The following UGT2B4 variants were observed in gnomAD, a reference collection of about 807,000 sequenced individuals.
UGT2B4 encodes UDP-glucuronosyltransferase 2B4.
UGT2B4 carries 49 observed loss-of-function variants against 49.8 expected under a neutral mutation model. The observed-to-expected ratio is 0.98, with a 90% confidence interval of 0.78 to 1.25. The LOEUF is 1.25. Ranked by LOEUF, UGT2B4 falls within the 50% of genes most tolerant of loss-of-function variation. The pLI, the probability that UGT2B4 is intolerant of heterozygous loss-of-function variation, is 0.00. For synonymous variants in UGT2B4, 246 were observed against 217.7 expected, an observed-to-expected ratio of 1.13 and a Z score of -1.14; for missense variants, 729 against 627.7, an observed-to-expected ratio of 1.16 and a Z score of -1.73.
intron 2 of UGT2B4, among the ~76,000 whole-genome samples, chr4:69,491,442 A>G (rs969349298): frequency 3.3e-5 from 5 of 152,102 alleles, no homozygotes; most frequent in African/African-American, 4.8e-5. Flanking sequence ...TGAATATATT[A>G]TAAAACCAAT....
chr4:69,494,590 GA>G (rs1728086815), intron 1 of UGT2B4, among the ~76,000 whole-genome samples: 1 of 152,066 alleles, frequency 6.6e-6, no homozygotes. Flanking sequence ...TGAAGGAATA[GA>G]AACACTGGAA....
At position 69,480,210 on chromosome 4, in the gene UGT2B4, C is replaced by A. The variant is rs1023863317; in HGVS notation, c.*424G>T. 6.2e-6 allele frequency: 1 copy of A among 160,068 alleles called. No individual in the cohort carries two copies. Among genetic ancestry groups the A allele is most frequent in the Non-Finnish European group, 1.4e-5 (1 of 72,596 alleles). The allele number at this position is 160,068 out of a possible 1,614,324, so 9.9% of individuals were successfully genotyped here. Reference sequence around the variant, plus strand: ...GCTTCCTCAACAACAGTTAAAACAACACAATCCTGCATGAAATGGATCCAA... The same window carrying A: ...GCTTCCTCAACAACAGTTAAAACAAAACAATCCTGCATGAAATGGATCCAA... On this transcript the variant is annotated 3_prime_UTR_variant, in exon 6 of 6. Coordinates refer to ENST00000305107, the MANE Select transcript of UGT2B4 (RefSeq NM_021139.3).
At chr4:69,499,027 G>T (rs1319847844), upstream of UGT2B4, among the ~76,000 whole-genome samples, 1 of 152,118 alleles carries the variant, frequency 6.6e-6, no homozygotes, top group Non-Finnish European at 1.5e-5. Context: ...GCTTAGCAAT[G>T]CTTTAGCCGC....
At chr4:69,490,655 GA>G (rs1337983236) in intron 2 of UGT2B4, among the ~76,000 whole-genome samples, 1 of 152,036 alleles carries the variant, frequency 6.6e-6, no homozygotes, top group African/African-American at 2.4e-5. Flanking sequence ...ACAAAACAAA[GA>G]AAAAAGATTC....
chr4:69,515,721 C>G (rs1327150577), intron 1 of UGT2B4, among the ~76,000 whole-genome samples: 1 of 151,956 alleles, frequency 6.6e-6, no homozygotes. Flanking sequence ...AATCCAGGAG[C>G]TCATTTTTTG....
chr4:69,508,693 G>A (rs1378293601), intron 1 of UGT2B4, among the ~76,000 whole-genome samples: 1 of 152,098 alleles, frequency 6.6e-6, no homozygotes, highest in East Asian at 1.9e-4. Context: ...AAAGACACTA[G>A]GGTCTATTTG....
chr4:69,524,414 A>G (rs889773120), intron 1 of UGT2B4, among the ~76,000 whole-genome samples: 1 of 151,918 alleles, frequency 6.6e-6, no homozygotes, highest in African/African-American at 2.4e-5. Context: ...AGAGGGAGAG[A>G]GATGGGAAAA....
At chr4:69,483,810 C>A (rs1243284785) in intron 5 of UGT2B4, among the ~76,000 whole-genome samples, 3 of 151,904 alleles carry the variant, frequency 2.0e-5, no homozygotes, top group African/African-American at 7.3e-5. Context: ...ATTTTACTCA[C>A]TAAAAATAAA....
At chr4:69,506,108 C>A (rs757706487) in intron 1 of UGT2B4, among the ~76,000 whole-genome samples, 7 of 151,900 alleles carry the variant, frequency 4.6e-5, no homozygotes, top group African/African-American at 1.7e-4. Flanking sequence ...ACTAAATGCC[C>A]GCATTGGAAA....
chr4:69,508,093 A>C (rs1236073872), intron 1 of UGT2B4, among the ~76,000 whole-genome samples: 1 of 152,256 alleles, frequency 6.6e-6, no homozygotes, highest in African/African-American at 2.4e-5. Context: ...ATTTGAAAAA[A>C]TAGCTGAGCA....
In UGT2B4 at chr4:69,495,231, C is replaced by A; in HGVS notation, c.631G>T (p.Val211Leu). The change falls in exon 1 of 6, where the codon GTA becomes TTA. Residue 211 changes from valine to leucine, a missense_variant. By Grantham distance (32) the Val-to-Leu change is conservative. Transcript: ENST00000305107. Reference protein sequence around the residue: ...LSDQMTFIERVKNMIYVLYFE... With the variant: ...LSDQMTFIERLKNMIYVLYFE... ...TAAAGCACATAGATCATATTTTTTA[C>A]CCTCTCTATGAAAGTCATTTGGTCA... The A allele has an allele frequency of 1.2e-6, 2 of 1,608,550 alleles. No homozygotes were observed. The highest frequency in any genetic ancestry group is 1.7e-6 in the Non-Finnish European group (2 of 1,178,506).
chr4:69,502,114 T>TTTCTTTCTTTCTTTCTTTCTTACTTTC (rs1258777807), intron 1 of UGT2B4, among the ~76,000 whole-genome samples: 2 of 128,904 alleles, frequency 1.6e-5, no homozygotes, highest in Non-Finnish European at 3.3e-5. Context: ...TCTTTCTTTC[T>TTTCTTTCTTTCTTTCTTTCTTACTTTC]TTCTTTCTTT....
chr4:69,496,058 T>A, upstream of UGT2B4: 1 of 838,314 alleles, frequency 1.2e-6, no homozygotes, highest in Non-Finnish European at 1.6e-6. Context: ...CAAGTGCGTT[T>A]AATGTTCTTT....
chr4:69,502,106 T>TTTCTTTCTTTCTTTCTTTC (rs1728340653), intron 1 of UGT2B4, among the ~76,000 whole-genome samples: 4 of 114,180 alleles, frequency 3.5e-5, no homozygotes, highest in East Asian at 2.5e-4. Flanking sequence ...TCTTTCTTTC[T>TTTCTTTCTTTCTTTCTTTC]TTCTTTCTTT....
At chr4:69,511,869 T>C (rs1728611761) in intron 1 of UGT2B4, among the ~76,000 whole-genome samples, 1 of 152,138 alleles carries the variant, frequency 6.6e-6, no homozygotes, top group Non-Finnish European at 1.5e-5. Flanking sequence ...ATATATTTAT[T>C]CATGACTCAG....
At chr4:69,482,157 C>T (rs1340068460) in intron 5 of UGT2B4, among the ~76,000 whole-genome samples, 2 of 152,126 alleles carry the variant, frequency 1.3e-5, no homozygotes, top group Non-Finnish European at 2.9e-5. Context: ...TTTCTTGCAA[C>T]AACTCAAGGC....
upstream of UGT2B4, among the ~76,000 whole-genome samples, chr4:69,500,641 G>A (rs945955406): frequency 1.4e-5 from 2 of 140,174 alleles, no homozygotes; most frequent in Non-Finnish European, 3.2e-5. Context: ...AAGAAAGAAA[G>A]AAAGAAAGAA....
In UGT2B4 at chr4:69,480,835, G is replaced by A. The variant is rs745780826; in HGVS notation, c.1386C>T (p.Phe462=). 6.2e-7 allele frequency: 1 copy of A among 1,613,746 alleles called. No individual in the cohort carries two copies. The highest frequency in any genetic ancestry group is 8.5e-7 in the Non-Finnish European group (1 of 1,179,830). ...TATGGCGCATGACAAATTCAATCCA[G>A]AAGACTGCTCGATCAAGGGGCTTCA... is the stretch of plus-strand genomic sequence containing the variant. ...QPVKPLDRAV[F]WIEFVMRHKG... is the part of the protein sequence containing the mutation. Residue 462 remains phenylalanine (F), a synonymous_variant, in exon 6 of 6, where the codon TTC becomes TTT. Coordinates refer to ENST00000305107, the MANE Select transcript of UGT2B4 (RefSeq NM_021139.3).
At chr4:69,505,155 A>T (rs1244516214) in intron 1 of UGT2B4, among the ~76,000 whole-genome samples, 1 of 152,178 alleles carries the variant, frequency 6.6e-6, no homozygotes, top group Non-Finnish European at 1.5e-5. Context: ...CTATAAATCA[A>T]CCACATACAC....
Sources: allele counts gnomAD v4.1 joint callset (sites outside exome capture counted in the v4.1 genomes callset), GRCh38; gene constraint gnomAD v4.1.1; transcripts MANE v1.5; gene names NCBI Gene and HGNC (gene_info 2026-07-23, HGNC 2026-07-21).